Variants in NCOA1 observed in about 807,000 individuals in gnomAD.
The protein encoded by NCOA1 is nuclear receptor coactivator 1, also known as Hin-2 protein.
In NCOA1, 35 loss-of-function variants were observed where a neutral mutation model predicts 150.9. The observed-to-expected ratio is 0.23, with a 90% CI of 0.18 to 0.31. The LOEUF is 0.31. NCOA1 is among the 10% of genes least tolerant of loss of function. NCOA1 has a pLI of 1.00. For missense variants in NCOA1, 1,491 were observed against 1,749.3 expected (o/e 0.85, Z 2.63); for synonymous variants, 590 against 630.0 (o/e 0.94, Z 0.95).
At chr2:24,537,540 T>TA (rs778263526) in intron 1 of NCOA1, among the ~76,000 whole-genome samples, 5 of 151,320 alleles carry the variant, frequency 3.3e-5, no homozygotes, top group Non-Finnish European at 7.4e-5. Context: ...TGCACAGAGA[T>TA]AGAGAATGAA....
chr2:24,629,826 A>ATG (rs1553439202), intron 3 of NCOA1, among the ~76,000 whole-genome samples: 1 of 132,970 alleles, frequency 7.5e-6, no homozygotes, highest in East Asian at 2.1e-4. Flanking sequence ...ACATATATAT[A>ATG]TATATATATA....
At chr2:24,740,315 C>G (rs1663541092) in intron 18 of NCOA1, among the ~76,000 whole-genome samples, 1 of 152,146 alleles carries the variant, frequency 6.6e-6, no homozygotes, top group South Asian at 2.1e-4. Flanking sequence ...TAGGCAACTT[C>G]ATAATTGTGC....
intron 1 of NCOA1, among the ~76,000 whole-genome samples, chr2:24,556,499 A>G (rs1447904260): frequency 1.3e-5 from 2 of 152,244 alleles, no homozygotes; most frequent in East Asian, 1.9e-4. Context: ...CTTTGGGTAT[A>G]TCCCAAGTAA....
chr2:24,757,369 A>T (rs531160399), intron 20 of NCOA1, among the ~76,000 whole-genome samples: 138 of 152,298 alleles, frequency 9.1e-4, no homozygotes, highest in Non-Finnish European at 1.8e-3. Context: ...GCACCATTTG[A>T]CAGCACCGAA....
At chr2:24,641,724 A>T (rs1311168544) in intron 3 of NCOA1, among the ~76,000 whole-genome samples, 2 of 152,144 alleles carry the variant, frequency 1.3e-5, no homozygotes, top group East Asian at 3.9e-4. Flanking sequence ...GAAACCAGTT[A>T]CCATTTATAT....
At chr2:24,584,435 A>G (rs527555217) in intron 2 of NCOA1, 41 bp from the exon 3 acceptor site, 4 of 152,304 alleles carry the variant, frequency 2.6e-5, no homozygotes, top group Admixed American at 6.5e-5. Flanking sequence ...GATTGATCCA[A>G]GTAGATCCAA....
At chr2:24,747,435 TC>T (rs1663990796) in intron 19 of NCOA1, among the ~76,000 whole-genome samples, 1 of 150,402 alleles carries the variant, frequency 6.6e-6, no homozygotes, top group Non-Finnish European at 1.5e-5. Context: ...TCTCAAGTGA[TC>T]CTCCCACCTC....
chr2:24,522,063 A>G (rs368620474), intron 1 of NCOA1, among the ~76,000 whole-genome samples: 339 of 152,100 alleles, frequency 2.2e-3, no homozygotes, highest in South Asian at 8.1e-3. Flanking sequence ...CCTCTCCCCA[A>G]TGGAATGTAA....
intron 17 of NCOA1, among the ~76,000 whole-genome samples, chr2:24,735,717 T>C (rs1663263065): frequency 6.6e-6 from 1 of 152,134 alleles, no homozygotes; most frequent in South Asian, 2.1e-4. Flanking sequence ...GTATCTGTAT[T>C]GGTTGAGATT....
chr2:24,649,151 A>G (rs1445041411), intron 4 of NCOA1, among the ~76,000 whole-genome samples: 1 of 152,088 alleles, frequency 6.6e-6, no homozygotes, highest in Non-Finnish European at 1.5e-5. Flanking sequence ...ACCACACTTG[A>G]ATTCCTGGCT....
chr2:24,735,527 A>T (rs999103095), intron 17 of NCOA1, among the ~76,000 whole-genome samples: 17 of 151,790 alleles, frequency 1.1e-4, no homozygotes, highest in South Asian at 6.2e-4. Context: ...ATGTTGAAAA[A>T]ATATATATAT....
chr2:24,619,933 A>G (rs1669047983), intron 3 of NCOA1, among the ~76,000 whole-genome samples: 1 of 152,100 alleles, frequency 6.6e-6, no homozygotes, highest in Non-Finnish European at 1.5e-5. Flanking sequence ...GCCTTTAAGT[A>G]TCTTTGTTCT....
intron 1 of NCOA1, among the ~76,000 whole-genome samples, chr2:24,551,633 T>C (rs1438065634): frequency 6.6e-6 from 1 of 152,198 alleles, no homozygotes; most frequent in Non-Finnish European, 1.5e-5. Context: ...GTATTGTCTA[T>C]GGCTGCTTTC....
intron 8 of NCOA1, among the ~76,000 whole-genome samples, chr2:24,690,491 A>G (rs1672611894): frequency 6.6e-6 from 1 of 151,802 alleles, no homozygotes; most frequent in African/African-American, 2.4e-5. Context: ...TGTCTGTACT[A>G]AAAATAAAAA....
chr2:24,491,653 G>T (rs2148051052), intron 1 of NCOA1, among the ~76,000 whole-genome samples, 51 bp downstream of exon 1: 2 of 150,902 alleles, frequency 1.3e-5, no homozygotes, highest in East Asian at 3.9e-4. Flanking sequence ...CAGCTGTCAC[G>T]AGCCGCGCGG....
chr2:24,585,837 T>C (rs574917758), intron 3 of NCOA1, among the ~76,000 whole-genome samples: 1 of 152,372 alleles, frequency 6.6e-6, no homozygotes, highest in South Asian at 2.1e-4. Flanking sequence ...ATTTTTAATG[T>C]TATTGTAGCT....
At chr2:24,654,982 C>T (rs1670868646) in intron 4 of NCOA1, among the ~76,000 whole-genome samples, 1 of 152,122 alleles carries the variant, frequency 6.6e-6, no homozygotes, top group Non-Finnish European at 1.5e-5. Flanking sequence ...CTTCCACATA[C>T]CTAAGCCTCT....
intron 16 of NCOA1, among the ~76,000 whole-genome samples, chr2:24,728,986 CAA>C (rs1404930105): frequency 6.6e-6 from 1 of 152,254 alleles, no homozygotes; most frequent in Admixed American, 6.5e-5. Flanking sequence ...CACACACACA[CAA>C]GCACACGCGC....
intron 17 of NCOA1, among the ~76,000 whole-genome samples, chr2:24,732,817 T>A (rs561115459): frequency 6.6e-6 from 1 of 151,514 alleles, no homozygotes; most frequent in East Asian, 1.9e-4. Context: ...AAACTATAAC[T>A]AGCAGAAGAA....
Sources: allele counts gnomAD v4.1 joint callset (sites outside exome capture counted in the v4.1 genomes callset), GRCh38; gene constraint gnomAD v4.1.1; transcripts MANE v1.5; gene names NCBI Gene and HGNC (gene_info 2026-07-23, HGNC 2026-07-21).